Variants in AKAP8 observed in about 807,000 individuals in gnomAD.
AKAP8 encodes A-kinase anchoring protein 8, also known as A-kinase anchor protein 8.
A neutral mutation model predicts 67.5 loss-of-function variants in AKAP8; 24 were observed. The observed-to-expected ratio is 0.36, with a 90% CI of 0.26 to 0.50. The LOEUF (loss-of-function observed/expected upper bound fraction) is 0.50. AKAP8 is among the 20% of genes least tolerant of loss of function. AKAP8 has a pLI of 0.97. For missense variants in AKAP8, 971 were observed against 955.9 expected (o/e 1.02, Z -0.21); for synonymous variants, 400 against 371.1 (o/e 1.08, Z -0.90).
At chr19:15,370,950 A>G (rs530308339) in intron 7 of AKAP8, among the ~76,000 whole-genome samples, 1 of 152,300 alleles carries the variant, frequency 6.6e-6, no homozygotes, top group Middle Eastern at 3.4e-3. Context: ...CGATGTCTTA[A>G]TAACAATCAC....
At chr19:15,372,788 A>C (rs1967181882) in intron 5 of AKAP8, 63 bp downstream of exon 5, 11 of 1,454,832 alleles carry the variant, frequency 7.6e-6, no homozygotes, top group Non-Finnish European at 9.9e-6. Context: ...GGGAAATTTT[A>C]CCTCAATAAA....
chr19:15,370,579 G>A (rs1967138030), intron 7 of AKAP8, among the ~76,000 whole-genome samples: 1 of 151,340 alleles, frequency 6.6e-6, no homozygotes, highest in Admixed American at 6.6e-5. Flanking sequence ...CATAGAAAAT[G>A]GGTTCCACCA....
intron 9 of AKAP8, among the ~76,000 whole-genome samples, chr19:15,366,099 TAA>T (rs1555754955): frequency 0.024 from 2,046 of 83,776 alleles, 21 homozygotes; most frequent in Non-Finnish European, 0.039. Flanking sequence ...TTTTTTTTTT[TAA>T]AAAAAGTCAC....
At chr19:15,367,371 T>C (rs1271164008) in intron 9 of AKAP8, among the ~76,000 whole-genome samples, 2 of 151,968 alleles carry the variant, frequency 1.3e-5, no homozygotes, top group African/African-American at 4.8e-5. Flanking sequence ...CTACTAAAAA[T>C]ACAAAAATTA....
At chr19:15,366,154 G>A (rs201968210) in intron 9 of AKAP8, among the ~76,000 whole-genome samples, 497 of 94,734 alleles carry the variant, frequency 5.2e-3, no homozygotes, top group East Asian at 6.0e-3. Context: ...AAAGCAAAAA[G>A]AAAAAAAAAA....
In AKAP8 at chr19:15,369,237, G is replaced by C; in HGVS notation, c.1072+909C>G. On this transcript the variant is annotated intron_variant, in intron 8 of 13. Transcript: ENST00000269701. This position sits in a 1 kb window ranked among gnomAD's most constrained non-coding sequence, Gnocchi z 4.6. ...TAGGTAGCAGGACCTGCGCGCAACA[G>C]ACATGTCACCTTTGCTTTAGCATTG... The C allele has an allele frequency of 2.0e-6, 2 of 985,538 alleles. No homozygotes were observed. Among genetic ancestry groups the C allele is most frequent in the Non-Finnish European group, 2.4e-6 (2 of 829,978 alleles). The allele number at this position is 985,538 out of a possible 1,614,324, so 61.0% of individuals were successfully genotyped here. A position where few individuals can be genotyped will look rare whatever the true frequency, so the allele number is the denominator to read the frequency against.
chr19:15,377,108 G>A (rs1967266333), intron 1 of AKAP8, 94 bp from the exon 2 acceptor site: 4 of 1,428,188 alleles, frequency 2.8e-6, no homozygotes, highest in Admixed American at 2.0e-5. Flanking sequence ...TTACAGTTCA[G>A]TGCCAGCCTT....
At position 15,372,201 on chromosome 19, in the gene AKAP8, T is replaced by C. The variant is rs200885819; in HGVS notation, c.991+17A>G. The C allele has an allele frequency of 1.6e-5, 26 of 1,613,510 alleles. No individual in the cohort carries two copies. The highest frequency in any genetic ancestry group is 1.7e-4 in the Middle Eastern group (1 of 5,904). On this transcript the variant is annotated intron_variant, in intron 6 of 13. Transcript: ENST00000269701. Reference sequence around the variant, plus strand: ...CCATCCTACATCTGTCTGGCCCACCTGGCCCCCAGGACATACCATTTTCGG... The same window carrying C: ...CCATCCTACATCTGTCTGGCCCACCCGGCCCCCAGGACATACCATTTTCGG...
intron 9 of AKAP8, among the ~76,000 whole-genome samples, chr19:15,366,795 G>A (rs1024132667): frequency 6.6e-6 from 1 of 151,980 alleles, no homozygotes; most frequent in African/African-American, 2.4e-5. Context: ...TTTTAGTAGA[G>A]ACTGGGTTTC....
intron 11 of AKAP8, chr19:15,361,500 G>A (rs1185428408): frequency 4.1e-5 from 17 of 413,084 alleles, no homozygotes; most frequent in Admixed American, 1.1e-4. Context: ...ACAGGTGCCC[G>A]CCACCACGCC....
intron 9 of AKAP8, 21 bp downstream of exon 9, chr19:15,368,214 G>T: frequency 6.2e-7 from 1 of 1,609,284 alleles, no homozygotes. Flanking sequence ...CCTCCTGTGG[G>T]GTCGTGTGCC....
Position 15,373,477 on chromosome 19 carries a change from C to A in AKAP8, c.372-137G>T, listed in dbSNP as rs1280343824. 2.3e-6 allele frequency: 3 copies of A among 1,291,052 alleles called. No individual in the cohort carries two copies. The East Asian group carries it at 7.6e-5, about 33-fold the overall frequency. The allele number at this position is 1,291,052 out of a possible 1,614,324, so 80.0% of individuals were successfully genotyped here. On this transcript the variant is annotated intron_variant, in intron 4 of 13. Coordinates refer to ENST00000269701, the MANE Select transcript of AKAP8 (RefSeq NM_005858.4). ...GCATCCCACCTAAGTGCTGGGATGA[C>A]CAAAACTGACCAACACCCTCCCTGG...
chr19:15,363,494 GC>G (rs1172650797), intron 9 of AKAP8, among the ~76,000 whole-genome samples: 3 of 136,752 alleles, frequency 2.2e-5, no homozygotes, highest in East Asian at 2.2e-4. Flanking sequence ...GGGGGGGTCA[GC>G]CCCCCGCCCG....
chr19:15,364,062 A>G (rs1365837726), intron 9 of AKAP8, among the ~76,000 whole-genome samples: 1 of 7,708 alleles, frequency 1.3e-4, no homozygotes, highest in Non-Finnish European at 2.3e-4. Context: ...CAATAAAAAT[A>G]AATAAATAAA....
At chr19:15,372,080 G>A in intron 6 of AKAP8, 82 bp from the exon 7 acceptor site, 1 of 1,609,570 alleles carries the variant, frequency 6.2e-7, no homozygotes, top group Non-Finnish European at 8.5e-7. Flanking sequence ...CGCCATCCAG[G>A]GTGAGTCTGC....
Position 15,376,966 on chromosome 19 carries a change from GC to G in AKAP8, c.58+9del, listed in dbSNP as rs746690647. The G allele has an allele frequency of 1.2e-6, 2 of 1,611,854 alleles. No homozygotes were observed. The highest frequency in any genetic ancestry group is 1.7e-6 in the Non-Finnish European group (2 of 1,179,112). On this transcript the variant is annotated intron_variant, in intron 2 of 13. Transcript: ENST00000269701. ...GCCCACGCCTCACCCGCAAAGCAGAGCCCACTTACCCTGGGTGTTGGCAGGT... is the reference window on the plus strand; with the variant it reads ...GCCCACGCCTCACCCGCAAAGCAGAGCCACTTACCCTGGGTGTTGGCAGGT...
At chr19:15,373,717 T>C (rs911592562) in intron 4 of AKAP8, 69 bp downstream of exon 4, 55 of 1,502,634 alleles carry the variant, frequency 3.7e-5, no homozygotes, top group Non-Finnish European at 4.7e-5. Flanking sequence ...CAAGAGTGGG[T>C]GCCCACTCCC....
intron 9 of AKAP8, among the ~76,000 whole-genome samples, chr19:15,363,391 T>C (rs1480283255): frequency 7.6e-6 from 1 of 132,388 alleles, no homozygotes; most frequent in Non-Finnish European, 1.6e-5. Context: ...AGCCGCCCCG[T>C]CCGGGAAGTG....
At chr19:15,373,494 C>A (rs1967198343) in intron 4 of AKAP8, among the ~76,000 whole-genome samples, 154 bp from the exon 5 acceptor site, 1 of 152,132 alleles carries the variant, frequency 6.6e-6, no homozygotes, top group South Asian at 2.1e-4. Flanking sequence ...TGACCAACAC[C>A]CTCCCTGGAA....
Sources: gnomAD v4.1 joint callset for allele counts (sites outside exome capture counted in the v4.1 genomes callset) on GRCh38, gnomAD v4.1.1 for gene constraint, Gnocchi (gnomAD v3.1) non-coding constraint, MANE v1.5 for transcripts, NCBI Gene and HGNC (gene_info 2026-07-23, HGNC 2026-07-21) for gene names.